The following PIEZO2 variants were observed in gnomAD, a reference collection of about 807,000 sequenced individuals.
The protein encoded by PIEZO2 is piezo-type mechanosensitive ion channel component 2.
A neutral mutation model predicts 337.3 loss-of-function variants in PIEZO2; 172 were observed. The ratio of observed to expected loss-of-function variants is 0.51; its 90% CI spans 0.45 to 0.58. The LOEUF is 0.58. PIEZO2 is among the 20% of genes least tolerant of loss of function. PIEZO2 has a pLI of 0.00. For missense variants in PIEZO2, 3,028 were observed against 3,391.3 expected, an observed-to-expected ratio of 0.89 and a Z score of 2.66; for synonymous variants, 1,251 against 1,228.5, an observed-to-expected ratio of 1.02 and a Z score of -0.38.
intron 3 of PIEZO2, among the ~76,000 whole-genome samples, chr18:10,927,298 T>C (rs1052600035): frequency 6.6e-6 from 1 of 152,172 alleles, no homozygotes; most frequent in South Asian, 2.1e-4. Context: ...CAGCAAAGCC[T>C]CCGAGGAGGA....
chr18:11,086,705 C>T (rs1219604134), intron 1 of PIEZO2, among the ~76,000 whole-genome samples: 1 of 151,738 alleles, frequency 6.6e-6, no homozygotes, highest in African/African-American at 2.4e-5. Context: ...TGGATCCCTG[C>T]TGCTCCAGCC....
chr18:11,038,270 A>C lies in PIEZO2; in HGVS notation c.160+27857T>G, dbSNP rs2036995190. 6.6e-6 allele frequency among the ~76,000 whole-genome samples: 1 copy of C among 152,134 alleles called. No homozygotes were observed. The highest frequency in any genetic ancestry group is 1.5e-5 in the Non-Finnish European group (1 of 68,040). On this transcript the variant is annotated intron_variant, in intron 2 of 55. Transcript: ENST00000674853. The surrounding 1 kb of genome is among the most constrained non-coding windows in gnomAD (Gnocchi z 4.1). ...ATAATTCATCATATTCTGCTTGGAT[A>C]ATGTAAATTGCTTGCAAGAAAAAGC...
At position 10,781,457 on chromosome 18, in the gene PIEZO2, G is replaced by A. The variant is rs976354467; in HGVS notation, c.2493-1091C>T. Among the ~76,000 whole-genome samples the A allele has an allele frequency of 1.4e-4, 19 of 139,534 alleles. No homozygotes were observed. Among genetic ancestry groups the A allele is most frequent in the African/African-American group, 3.3e-4 (12 of 36,274 alleles). The allele number at this position is 139,534 out of a possible 152,430, so 91.5% of individuals were successfully genotyped here. ...TGCACTCCAGCTTGGGCAACAGAGC[G>A]AGACTCCGTTTCAAATAAAAAAAAA... is the stretch of plus-strand genomic sequence containing the variant. On this transcript the variant is annotated intron_variant, in intron 17 of 55. Coordinates refer to ENST00000674853, the MANE Select transcript of PIEZO2 (RefSeq NM_001378183.1). This position sits in a 1 kb window ranked among gnomAD's most constrained non-coding sequence, Gnocchi z 4.1.
chr18:11,035,293 C>T lies in PIEZO2; in HGVS notation c.160+30834G>A, dbSNP rs936025951. ...ACGGAGAGCTGGTTGTTTAAAAAGC[C>T]TGGCACCTTCTCTCTCTCTCCCTCT... On this transcript the variant is annotated intron_variant, in intron 2 of 55. Transcript: ENST00000674853. The surrounding 1 kb of genome is among the most constrained non-coding windows in gnomAD (Gnocchi z 4.3). 2.7e-5 allele frequency among the ~76,000 whole-genome samples: 4 copies of T among 149,738 alleles called. No homozygotes were observed. The highest frequency in any genetic ancestry group is 2.0e-4 in the East Asian group (1 of 5,126).
At chr18:10,725,418 G>C (rs1598404094) in intron 36 of PIEZO2, 1 of 1,603,232 alleles carries the variant, frequency 6.2e-7, no homozygotes. Context: ...CCTGACCAGA[G>C]CCCGCCAGTA....
intron 3 of PIEZO2, among the ~76,000 whole-genome samples, chr18:10,951,842 C>T (rs1464529022): frequency 6.6e-6 from 1 of 152,158 alleles, no homozygotes. Flanking sequence ...AGCTAGAACA[C>T]TTTGGGGACA....
Position 10,748,412 on chromosome 18 carries a change from C to A in PIEZO2, c.4424+59G>T, listed in dbSNP as rs150760409. 11 of 1,470,988 alleles carry A rather than the reference C, an allele frequency of 7.5e-6. No homozygotes were observed. Among genetic ancestry groups the A allele is most frequent in the African/African-American group, 1.4e-5 (1 of 71,216 alleles). 91.1% of individuals were successfully genotyped at this position (1,470,988 alleles called of 1,614,324 possible). On this transcript the variant is annotated intron_variant, in intron 30 of 55. Transcript: ENST00000674853. The surrounding 1 kb of genome is among the most constrained non-coding windows in gnomAD (Gnocchi z 5.1). Reference sequence around the variant, plus strand: ...GCAAGCTCAGACAGAAATGATAGTGCAATATTATTTCAGGCAAGTTTCCTG... The same window carrying A: ...GCAAGCTCAGACAGAAATGATAGTGAAATATTATTTCAGGCAAGTTTCCTG...
rs2039434942 is a variant in PIEZO2 at position 11,102,031 on chromosome 18, G to A, written c.65-35809C>T. On this transcript the variant is annotated intron_variant, in intron 1 of 55. Coordinates refer to ENST00000674853, the MANE Select transcript of PIEZO2 (RefSeq NM_001378183.1). The surrounding 1 kb of genome is among the most constrained non-coding windows in gnomAD (Gnocchi z 5.7). ...GGGGATCCTGGGGCCCTGATTTGGA[G>A]GCTATAGACTTAAGCATTCAGAATT... is the stretch of plus-strand genomic sequence containing the variant. 6.6e-6 allele frequency among the ~76,000 whole-genome samples: 1 copy of A among 152,158 alleles called. No individual in the cohort carries two copies. The highest frequency in any genetic ancestry group is 2.1e-4 in the South Asian group (1 of 4,822).
chr18:10,834,099 C>G lies in PIEZO2; in HGVS notation c.917+21254G>C, dbSNP rs974606008. The stretch of plus-strand genomic sequence containing the variant: ...GACATGCAATGTGTAACAATCACAT[C>G]AGGGTAAGTGGGGTGTCCATCACCT... On this transcript the variant is annotated intron_variant, in intron 7 of 55. Transcript: ENST00000674853. The surrounding 1 kb of genome is among the most constrained non-coding windows in gnomAD (Gnocchi z 4.5). 1.3e-5 allele frequency among the ~76,000 whole-genome samples: 2 copies of G among 152,238 alleles called. No individual in the cohort carries two copies. Among genetic ancestry groups the G allele is most frequent in the Non-Finnish European group, 2.9e-5 (2 of 68,044 alleles).
At chr18:10,789,846 A>C (rs1263625271) in intron 14 of PIEZO2, among the ~76,000 whole-genome samples, 3 of 152,212 alleles carry the variant, frequency 2.0e-5, no homozygotes, top group African/African-American at 7.2e-5. Context: ...AATTTAATTT[A>C]AATTAGATTG....
chr18:11,018,396 T>C (rs2036197795), intron 2 of PIEZO2, among the ~76,000 whole-genome samples: 1 of 144,552 alleles, frequency 6.9e-6, no homozygotes, highest in South Asian at 2.2e-4. Flanking sequence ...TGTGTGTGTG[T>C]GTGTGTGTGT....
At chr18:10,701,905 T>C (rs1001335138) in intron 43 of PIEZO2, 84 bp downstream of exon 43, 39 of 1,238,326 alleles carry the variant, frequency 3.1e-5, no homozygotes, top group Non-Finnish European at 3.7e-5. Context: ...CCAATCCTGA[T>C]GTCCAGGTTA....
Position 10,850,248 on chromosome 18 carries a change from A to T in PIEZO2, c.917+5105T>A, listed in dbSNP as rs1235703259. On this transcript the variant is annotated intron_variant, in intron 7 of 55. Coordinates refer to ENST00000674853, the MANE Select transcript of PIEZO2 (RefSeq NM_001378183.1). This position sits in a 1 kb window ranked among gnomAD's most constrained non-coding sequence, Gnocchi z 4.5. ...AGGAAGCACGTGATTTTTTGGGACC[A>T]TGGGGTGAAAAGAAGGGATTACTCT... is the stretch of plus-strand genomic sequence containing the variant. Among the ~76,000 whole-genome samples, 1 of 152,218 alleles carries T rather than the reference A, an allele frequency of 6.6e-6. No homozygotes were observed. Among genetic ancestry groups the T allele is most frequent in the Admixed American group, 6.5e-5 (1 of 15,284 alleles).
In PIEZO2 at chr18:11,018,106, C is replaced by T. The variant is rs570962381; in HGVS notation, c.161-38446G>A. ...GCTTTAGTGTAGAATTGTTCCCTGC[C>T]CCTTCCAGCTTTGGGTAGTGGCCGG... On this transcript the variant is annotated intron_variant, in intron 2 of 55. Coordinates refer to ENST00000674853, the MANE Select transcript of PIEZO2 (RefSeq NM_001378183.1). 5.3e-5 allele frequency among the ~76,000 whole-genome samples: 8 copies of T among 152,118 alleles called. No homozygotes were observed. The East Asian group carries it at 1.5e-3, about 29-fold the overall frequency.
intron 21 of PIEZO2, among the ~76,000 whole-genome samples, chr18:10,769,427 T>C (rs1158421362): frequency 6.6e-6 from 1 of 152,206 alleles, no homozygotes; most frequent in Admixed American, 6.5e-5. Flanking sequence ...AAGTTTTAGG[T>C]TTGTAGTGTT....
At chr18:11,067,953 G>A (rs570603640) in intron 1 of PIEZO2, among the ~76,000 whole-genome samples, 2 of 152,268 alleles carry the variant, frequency 1.3e-5, no homozygotes, top group South Asian at 2.1e-4. Context: ...ACGGAGTCTT[G>A]CTCTGTCCCC....
intron 4 of PIEZO2, among the ~76,000 whole-genome samples, chr18:10,905,797 T>C (rs2043161625): frequency 6.6e-6 from 1 of 152,092 alleles, no homozygotes; most frequent in Non-Finnish European, 1.5e-5. Flanking sequence ...TTATAAGCAC[T>C]CTCCAATTTC....
rs2033352256 is a variant in PIEZO2, at chr18:10,952,691, AG to A, written c.286+26843del. Among the ~76,000 whole-genome samples, 1 of 152,218 alleles carries A rather than the reference AG, an allele frequency of 6.6e-6. No individual in the cohort carries two copies. Among genetic ancestry groups the A allele is most frequent in the South Asian group, 2.1e-4 (1 of 4,826 alleles). Reference sequence around the variant, plus strand: ...TAAAGTCAAATTTTCACTTCACCGGAGGAAATATCACCCAGTGGGATTCCTG... The same window carrying A: ...TAAAGTCAAATTTTCACTTCACCGGAGAAATATCACCCAGTGGGATTCCTG... On this transcript the variant is annotated intron_variant, in intron 3 of 55. Transcript: ENST00000674853. This position sits in a 1 kb window ranked among gnomAD's most constrained non-coding sequence, Gnocchi z 4.1.
chr18:11,066,069 C>T (rs2038138663), intron 2 of PIEZO2, 58 bp downstream of exon 2: 1 of 1,394,364 alleles, frequency 7.2e-7, no homozygotes, highest in Non-Finnish European at 9.8e-7. Context: ...CCAAGGAGCC[C>T]AGCAAAATAC....
Sources: allele counts gnomAD v4.1 joint callset (sites outside exome capture counted in the v4.1 genomes callset), GRCh38; gene constraint gnomAD v4.1.1; non-coding constraint Gnocchi (gnomAD v3.1); transcripts MANE v1.5; gene names NCBI Gene and HGNC (gene_info 2026-07-23, HGNC 2026-07-21).